VSIG10: variants seen among roughly 807,000 people sequenced by gnomAD.
VSIG10 encodes V-set and immunoglobulin domain containing 10, also known as V-set and immunoglobulin domain-containing protein 10.
Under a neutral mutation model 58.7 loss-of-function variants are expected in VSIG10, and 48 were observed. That is an observed-to-expected ratio of 0.82 (90% CI 0.65 to 1.04). The LOEUF is 1.04. Ranked by LOEUF, VSIG10 falls within the 50% of genes least tolerant of loss-of-function variation. VSIG10 has a pLI of 0.00. For synonymous variants in VSIG10, 260 were observed against 267.1 expected (o/e 0.97, Z 0.26); for missense variants, 628 against 670.0 (o/e 0.94, Z 0.69).
chr12:118,068,162 C>T (rs1478949535), intron 8 of VSIG10, among the ~76,000 whole-genome samples: 2 of 147,322 alleles, frequency 1.4e-5, no homozygotes, highest in African/African-American at 2.5e-5. Context: ...GCTGGGAACA[C>T]AGGTGCACAC....
chr12:118,078,940 A>AAAAAAAAG (rs2137885864), intron 4 of VSIG10, among the ~76,000 whole-genome samples: 1 of 63,068 alleles, frequency 1.6e-5, no homozygotes, highest in East Asian at 3.3e-4. Flanking sequence ...CTCTGCCTAA[A>AAAAAAAAG]AAAAAAAAAA....
chr12:118,096,046 A>G (rs1325996459), intron 1 of VSIG10, among the ~76,000 whole-genome samples: 1 of 149,570 alleles, frequency 6.7e-6, no homozygotes, highest in Non-Finnish European at 1.5e-5. Flanking sequence ...CTGCCTCAGC[A>G]TCCCAAGTAG....
Position 118,066,486 on chromosome 12 carries a change from T to A in VSIG10, c.*153A>T. The A allele has an allele frequency of 1.4e-6, 1 of 733,762 alleles. No individual in the cohort carries two copies. Among genetic ancestry groups the A allele is most frequent in the Non-Finnish European group, 2.4e-6 (1 of 411,020 alleles). The allele number at this position is 733,762 out of a possible 1,614,324, so 45.5% of individuals were successfully genotyped here. On this transcript the variant is annotated 3_prime_UTR_variant, in exon 9 of 9. Coordinates refer to ENST00000359236, the MANE Select transcript of VSIG10 (RefSeq NM_019086.6). ...TTTTCAATACATGGAAGGAAAGATG[T>A]GTGTGCTTGGTTTTGTTTTTTGCTG...
At chr12:118,079,649 T>G (rs775679512) in intron 3 of VSIG10, 43 bp from the exon 4 acceptor site, 1 of 1,604,628 alleles carries the variant, frequency 6.2e-7, no homozygotes, top group Non-Finnish European at 8.5e-7. Flanking sequence ...TCACAGACTC[T>G]AGGATCAGCC....
chr12:118,095,442 C>A, intron 2 of VSIG10, 91 bp downstream of exon 2: 1 of 1,519,400 alleles, frequency 6.6e-7, no homozygotes. Flanking sequence ...CCAGGCCATC[C>A]GAACCCAAAA....
At chr12:118,079,280 A>G (rs2032852583) in intron 4 of VSIG10, 66 bp downstream of exon 4, 2 of 1,572,576 alleles carry the variant, frequency 1.3e-6, no homozygotes, top group Admixed American at 3.5e-5. Flanking sequence ...GAACTCTCAA[A>G]TGCTTCTCCT....
In VSIG10 at chr12:118,103,981, C is replaced by T. The variant is rs2033689127; in HGVS notation, c.-310G>A. The T allele has an allele frequency of 7.3e-6, 2 of 275,020 alleles. No homozygotes were observed. Among genetic ancestry groups the T allele is most frequent in the Non-Finnish European group, 1.4e-5 (2 of 146,232 alleles). 17.0% of individuals were successfully genotyped at this position (275,020 alleles called of 1,614,324 possible). ...ACAACAGGAGCGGGATCCCTCCCGCCTCCCAGCCAGGCGGGAGCCCAACTT... is the reference window on the plus strand; with the variant it reads ...ACAACAGGAGCGGGATCCCTCCCGCTTCCCAGCCAGGCGGGAGCCCAACTT... On this transcript the variant is annotated 5_prime_UTR_variant, in exon 1 of 9. Coordinates refer to ENST00000359236, the MANE Select transcript of VSIG10 (RefSeq NM_019086.6).
chr12:118,087,321 A>G, intron 2 of VSIG10, among the ~76,000 whole-genome samples: 1 of 151,982 alleles, frequency 6.6e-6, no homozygotes, highest in African/African-American at 2.4e-5. Context: ...CTGACCTCCT[A>G]CAAGACAGAG....
intron 2 of VSIG10, among the ~76,000 whole-genome samples, chr12:118,089,415 T>C (rs998235736): frequency 6.6e-6 from 1 of 152,172 alleles, no homozygotes; most frequent in African/African-American, 2.4e-5. Context: ...AAGAGAGTGA[T>C]GATAAAGAAA....
chr12:118,073,962 T>C lies in VSIG10; in HGVS notation c.956A>G (p.Lys319Arg), dbSNP rs764371864. 16 of 1,593,192 alleles carry C rather than the reference T, an allele frequency of 1.0e-5. No individual in the cohort carries two copies. In the East Asian group the frequency reaches 3.6e-4, roughly 36 times the overall value. The stretch of plus-strand genomic sequence containing the variant: ...CACATTGCCCCCAGTGAAGCAAGTC[T>C]TCATGGGCTCAGAGAGAAGGGAGGG... The part of the protein sequence containing the change: ...RGPSLLSEPM[K>R]TCFTGGNVTL... The change falls in exon 5 of 9, where the codon AAG (lysine) becomes AGG (arginine). Residue 319 changes from lysine to arginine, a missense_variant. By Grantham distance (26) the Lys-to-Arg change is conservative (BLOSUM62 2). Coordinates refer to ENST00000359236, the MANE Select transcript of VSIG10 (RefSeq NM_019086.6).
chr12:118,068,333 TTTTG>T (rs1593487866), intron 8 of VSIG10, 40 bp downstream of exon 8: 7 of 1,598,990 alleles, frequency 4.4e-6, no homozygotes, highest in Non-Finnish European at 5.1e-6. Flanking sequence ...ACGCGCCTTT[TTTTG>T]TTTGTTTTCT....
At chr12:118,098,121 C>T (rs565874082) in intron 1 of VSIG10, among the ~76,000 whole-genome samples, 1 of 152,028 alleles carries the variant, frequency 6.6e-6, no homozygotes, top group Admixed American at 6.6e-5. Context: ...ATTACTGTGG[C>T]GATCAATAAT....
chr12:118,071,467 G>C lies in VSIG10; in HGVS notation c.1222C>G (p.Pro408Ala). ...EMEIWLSVKEPLNIGGIVGTI... is the reference protein window; with the variant it reads ...EMEIWLSVKEALNIGGIVGTI... ...CCCACAATCCCCCCGATATTTAAAG[G>C]TTCTGTAAAGACAAATCACACCATT... Residue 408 changes from proline to alanine, a missense_variant and splice_region_variant, in exon 6 of 9, where the codon CCT becomes GCT. Coordinates refer to ENST00000359236, the MANE Select transcript of VSIG10 (RefSeq NM_019086.6). 6.2e-7 allele frequency: 1 copy of C among 1,613,344 alleles called. No homozygotes were observed. Among genetic ancestry groups the C allele is most frequent in the Non-Finnish European group, 8.5e-7 (1 of 1,179,346 alleles).
chr12:118,100,508 C>G (rs2033596132), intron 1 of VSIG10, among the ~76,000 whole-genome samples: 1 of 151,692 alleles, frequency 6.6e-6, no homozygotes, highest in South Asian at 2.1e-4. Flanking sequence ...AAAAAAAAAG[C>G]AGATAAGAAT....
intron 3 of VSIG10, among the ~76,000 whole-genome samples, chr12:118,081,167 A>T (rs1566165696): frequency 6.6e-6 from 1 of 151,646 alleles, no homozygotes; most frequent in South Asian, 2.1e-4. Context: ...AATTGCTTGA[A>T]CCTGGAAGGT....
chr12:118,067,558 G>A (rs1408037145), intron 8 of VSIG10, among the ~76,000 whole-genome samples: 2 of 150,822 alleles, frequency 1.3e-5, no homozygotes, highest in Admixed American at 1.3e-4. Flanking sequence ...CCGTCTCCCG[G>A]GTTCAAGTGA....
chr12:118,081,553 AG>A (rs1338466382), intron 3 of VSIG10, among the ~76,000 whole-genome samples: 2 of 152,040 alleles, frequency 1.3e-5, no homozygotes, highest in Non-Finnish European at 2.9e-5. Context: ...GAAAAAAAAA[AG>A]AATGCATTAG....
At position 118,068,405 on chromosome 12, in the gene VSIG10, C is replaced by A. The variant is rs1463348873; in HGVS notation, c.1539G>T (p.Gln513His). 1 of 1,613,506 alleles carries A rather than the reference C, an allele frequency of 6.2e-7. No individual in the cohort carries two copies. Among genetic ancestry groups the A allele is most frequent in the Non-Finnish European group, 8.5e-7 (1 of 1,179,756 alleles). Residue 513 changes from glutamine (Q) to histidine (H), a missense_variant, in exon 8 of 9, where the codon CAG (glutamine) becomes CAT (histidine). Physicochemically the swap from Gln to His is conservative, Grantham distance 24 (BLOSUM62 0). Coordinates refer to ENST00000359236, the MANE Select transcript of VSIG10 (RefSeq NM_019086.6). ...VTALVNGNIE[Q>H]MGNGFQDLQD... is the part of the protein sequence containing the mutation. ...GAAGATCCTGGAATCCATTTCCCAT[C>A]TGTTCTATGTTCCCATTCACCAAGG...
chr12:118,078,937 T>TAAAAAAA lies in VSIG10; in HGVS notation c.925+402_925+408dup, dbSNP rs35469920. On this transcript the variant is annotated intron_variant, in intron 4 of 8. Coordinates refer to ENST00000359236, the MANE Select transcript of VSIG10 (RefSeq NM_019086.6). ...CTGGGCAACAGAGCAAGACTCTGCC[T>TAAAAAAA]AAAAAAAAAAAAAAAAAAAAAAAAA... Among the ~76,000 whole-genome samples the TAAAAAAA allele has an allele frequency of 2.8e-3, 112 of 39,916 alleles. 2 individuals carry two copies. Among genetic ancestry groups the TAAAAAAA allele is most frequent in the East Asian group, 0.011 (9 of 834 alleles). The allele number at this position is 39,916 out of a possible 152,430, so 26.2% of individuals were successfully genotyped here. A position where few individuals can be genotyped will look rare whatever the true frequency, so the allele number is the denominator to read the frequency against.
Sources: gnomAD v4.1 joint callset for allele counts (sites outside exome capture counted in the v4.1 genomes callset) on GRCh38, gnomAD v4.1.1 for gene constraint, MANE v1.5 for transcripts, NCBI Gene and HGNC (gene_info 2026-07-23, HGNC 2026-07-21) for gene names.